ZNF736: variants seen among roughly 807,000 people sequenced by gnomAD.
ZNF736 encodes the protein KRAB-containing zinc-finger repressor protein.
A neutral mutation model predicts 11.7 loss-of-function variants in ZNF736; 6 were observed. That is an observed-to-expected ratio of 0.51 (90% CI 0.28 to 1.01). The LOEUF (loss-of-function observed/expected upper bound fraction) is 1.01. ZNF736 is among the 50% of genes least tolerant of loss of function. The pLI, the probability that ZNF736 is intolerant of heterozygous loss-of-function variation, is 0.09. For missense variants in ZNF736, 444 were observed against 496.0 expected (o/e 0.90, Z 1.00); for synonymous variants, 139 against 164.7 (o/e 0.84, Z 1.19).
chr7:64,338,705 G>A (rs1789294378), intron 3 of ZNF736, among the ~76,000 whole-genome samples: 1 of 144,474 alleles, frequency 6.9e-6, no homozygotes. Context: ...ATTCTATTTT[G>A]TATACATGCC....
chr7:64,349,224 A>G lies in ZNF736; in HGVS notation c.*77A>G. The G allele has an allele frequency of 1.6e-6, 2 of 1,225,818 alleles. No individual in the cohort carries two copies. The highest frequency in any genetic ancestry group is 2.2e-6 in the Non-Finnish European group (2 of 905,670). 75.9% of individuals were successfully genotyped at this position (1,225,818 alleles called of 1,614,324 possible). A position where few individuals can be genotyped will look rare whatever the true frequency, so the allele number is the denominator to read the frequency against. The stretch of plus-strand genomic sequence containing the variant: ...TTTAATACTGAACAAATGCAGTATA[A>G]ATGTAATGACAGTGGAAGAACATTT... On this transcript the variant is annotated 3_prime_UTR_variant, in exon 4 of 4. Coordinates refer to ENST00000423484, the MANE Select transcript of ZNF736 (RefSeq NM_001170905.3).
chr7:64,337,196 G>T (rs1789264457), intron 3 of ZNF736: 17 of 540,048 alleles, frequency 3.1e-5, no homozygotes, highest in Non-Finnish European at 5.5e-5. Context: ...TAATGTGTGT[G>T]TGTGTGTTGT....
chr7:64,328,112 A>G (rs2115898493), intron 1 of ZNF736, among the ~76,000 whole-genome samples: 1 of 152,142 alleles, frequency 6.6e-6, no homozygotes, highest in Admixed American at 6.5e-5. Flanking sequence ...CCTTCATATT[A>G]CCAGTGAGTT....
intron 3 of ZNF736, among the ~76,000 whole-genome samples, chr7:64,347,790 A>G (rs1032427177): frequency 1.3e-5 from 2 of 152,156 alleles, no homozygotes; most frequent in African/African-American, 4.8e-5. Context: ...TTTGGAGTCT[A>G]TAGTTAGAGT....
Position 64,348,764 on chromosome 7 carries a change from G to A in ZNF736, c.901G>A (p.Ala301Thr). Residue 301 changes from alanine (A) to threonine (T), a missense_variant, in exon 4 of 4, where the codon GCT becomes ACT. Ala to Thr is a moderately conservative substitution (Grantham distance 58). Coordinates refer to ENST00000423484, the MANE Select transcript of ZNF736 (RefSeq NM_001170905.3). ...AGCCTATAGGTGGTTCTCAGACCTT[G>A]CTAAACATAAGATAATTCATACTGG... Reference protein sequence around the residue: ...NKAYRWFSDLAKHKIIHTGDK... With the variant: ...NKAYRWFSDLTKHKIIHTGDK... The A allele has an allele frequency of 1.3e-6, 2 of 1,592,020 alleles. No homozygotes were observed. The highest frequency in any genetic ancestry group is 1.7e-4 in the Middle Eastern group (1 of 6,028).
In ZNF736 at chr7:64,348,787, T is replaced by C; in HGVS notation, c.924T>C (p.Thr308=). ...SDLAKHKIIH[T]GDKPYTCNEC... ...TTGCTAAACATAAGATAATTCATAC[T>C]GGAGACAAACCCTACACATGTAATG... Residue 308 remains threonine (T), a synonymous_variant, in exon 4 of 4, where the codon ACT becomes ACC. Coordinates refer to ENST00000423484, the MANE Select transcript of ZNF736 (RefSeq NM_001170905.3). The C allele has an allele frequency of 6.3e-7, 1 of 1,587,730 alleles. No individual in the cohort carries two copies. The highest frequency in any genetic ancestry group is 8.6e-7 in the Non-Finnish European group (1 of 1,166,928).
chr7:64,317,928 T>A (rs1788939771), intron 1 of ZNF736, among the ~76,000 whole-genome samples: 2 of 151,632 alleles, frequency 1.3e-5, no homozygotes, highest in South Asian at 4.1e-4. Context: ...TCTAAAATAT[T>A]TTTTTTTCAT....
Position 64,348,958 on chromosome 7 carries a change from A to C in ZNF736, c.1095A>C (p.Glu365Asp). The change falls in exon 4 of 4, where the codon GAA becomes GAC. Residue 365 changes from glutamate (E) to aspartate (D), a missense_variant. Physicochemically the swap from Glu to Asp is conservative, Grantham distance 45 (BLOSUM62 2). Coordinates refer to ENST00000423484, the MANE Select transcript of ZNF736 (RefSeq NM_001170905.3). ...TTAACCACAAGAGAATTCATATGGA[A>C]GAGAGACCTTACAAATGTGAAGAAT... ...TLFNHKRIHM[E>D]ERPYKCEECS... 1 of 1,592,738 alleles carries C rather than the reference A, an allele frequency of 6.3e-7. No individual in the cohort carries two copies. The highest frequency in any genetic ancestry group is 8.6e-7 in the Non-Finnish European group (1 of 1,168,784).
At chr7:64,318,608 T>A (rs1388448493) in intron 1 of ZNF736, among the ~76,000 whole-genome samples, 3 of 152,176 alleles carry the variant, frequency 2.0e-5, no homozygotes, top group South Asian at 4.1e-4. Flanking sequence ...AAGACTTTTT[T>A]AAAATTAAAC....
At chr7:64,335,815 A>C (rs1789241105) in intron 1 of ZNF736, among the ~76,000 whole-genome samples, 1 of 152,220 alleles carries the variant, frequency 6.6e-6, no homozygotes, top group African/African-American at 2.4e-5. Flanking sequence ...CAAACTTCTT[A>C]CAAATTTGGA....
intron 1 of ZNF736, among the ~76,000 whole-genome samples, chr7:64,335,945 T>C (rs1434635990): frequency 1.3e-5 from 2 of 152,212 alleles, no homozygotes; most frequent in Non-Finnish European, 2.9e-5. Flanking sequence ...GAAGTTTCCA[T>C]ATGGGAACTA....
chr7:64,317,310 CAT>C (rs925333691), intron 1 of ZNF736, among the ~76,000 whole-genome samples: 4 of 152,236 alleles, frequency 2.6e-5, no homozygotes, highest in African/African-American at 4.8e-5. Context: ...TATTTTTAAT[CAT>C]GTGTTCATGG....
chr7:64,343,511 A>G (rs1871246), intron 3 of ZNF736, among the ~76,000 whole-genome samples: 52,006 of 152,046 alleles, frequency 0.34, 9,570 homozygotes, highest in African/African-American at 0.49. Context: ...TTAGCAATAC[A>G]TAATATACCC....
chr7:64,345,038 T>TTATTTATG (rs1789389075), intron 3 of ZNF736, among the ~76,000 whole-genome samples: 1 of 151,440 alleles, frequency 6.6e-6, no homozygotes, highest in Non-Finnish European at 1.5e-5. Context: ...ATTTATTTAT[T>TTATTTATG]TTTGAGATGG....
intron 1 of ZNF736, among the ~76,000 whole-genome samples, chr7:64,319,134 A>G (rs975015531): frequency 1.3e-5 from 2 of 151,934 alleles, no homozygotes; most frequent in African/African-American, 2.4e-5. Flanking sequence ...TTATCCTTGC[A>G]AAAATCATGT....
Position 64,348,090 on chromosome 7 carries a change from C to T in ZNF736, c.227C>T (p.Ala76Val). The change falls in exon 4 of 4, where the codon GCT becomes GTT. Residue 76 changes from alanine (A) to valine (V), a missense_variant and splice_region_variant. By Grantham distance (64) the Ala-to-Val change is moderately conservative. Coordinates refer to ENST00000423484, the MANE Select transcript of ZNF736 (RefSeq NM_001170905.3). ...GGAGAATTTTATTTTTTTTCTCCAG[C>T]TGGTTCTTTTCATTTTACTGCAGAG... ...KRQEAVAKHPAGSFHFTAEIL... is the reference protein window; with the variant it reads ...KRQEAVAKHPVGSFHFTAEIL... The T allele has an allele frequency of 2.7e-6, 4 of 1,494,094 alleles. No individual in the cohort carries two copies. Among genetic ancestry groups the T allele is most frequent in the Non-Finnish European group, 3.6e-6 (4 of 1,126,172 alleles). The allele number at this position is 1,494,094 out of a possible 1,614,324, so 92.6% of individuals were successfully genotyped here.
intron 1 of ZNF736, among the ~76,000 whole-genome samples, chr7:64,315,582 C>G (rs1365021857): frequency 1.3e-5 from 2 of 152,116 alleles, no homozygotes; most frequent in Non-Finnish European, 2.9e-5. Flanking sequence ...ATTCCTTCGA[C>G]GTAGTTAGGT....
chr7:64,329,173 A>G (rs1361147417), intron 1 of ZNF736, among the ~76,000 whole-genome samples: 2 of 142,808 alleles, frequency 1.4e-5, no homozygotes, highest in Non-Finnish European at 3.1e-5. Context: ...TTTTTTTGTT[A>G]TTTTGAATTT....
At chr7:64,323,095 AT>A (rs1789024409) in intron 1 of ZNF736, among the ~76,000 whole-genome samples, 1 of 151,922 alleles carries the variant, frequency 6.6e-6, no homozygotes, top group South Asian at 2.1e-4. Context: ...TTTCTGTCTT[AT>A]GTGTTTGTAT....
Sources: allele counts gnomAD v4.1 joint callset (sites outside exome capture counted in the v4.1 genomes callset), GRCh38; gene constraint gnomAD v4.1.1; transcripts MANE v1.5; gene names NCBI Gene and HGNC (gene_info 2026-07-23, HGNC 2026-07-21).